Variants in PTPA observed in about 807,000 individuals in gnomAD.
PTPA encodes serine/threonine-protein phosphatase 2A activator.
Under a neutral mutation model 43.6 loss-of-function variants are expected in PTPA, and 13 were observed. The observed-to-expected ratio is 0.30, with a 90% CI of 0.19 to 0.47. The LOEUF is 0.47. PTPA is among the 20% of genes least tolerant of loss of function. PTPA has a pLI of 0.99. For missense variants in PTPA, 329 were observed against 411.9 expected (o/e 0.80, Z 1.74); for synonymous variants, 172 against 158.2 (o/e 1.09, Z -0.66).
chr9:129,140,415 G>A (rs1850705019), intron 8 of PTPA, among the ~76,000 whole-genome samples: 1 of 152,200 alleles, frequency 6.6e-6, no homozygotes, highest in African/African-American at 2.4e-5. Flanking sequence ...GGGGCAGCCT[G>A]CAGCCCCTCC....
At chr9:129,133,447 G>GA (rs1850123387) in intron 5 of PTPA, among the ~76,000 whole-genome samples, 1 of 152,196 alleles carries the variant, frequency 6.6e-6, no homozygotes, top group Non-Finnish European at 1.5e-5. Context: ...GCAGGGGAAG[G>GA]AAACTGAGCT....
intron 8 of PTPA, 91 bp from the exon 9 acceptor site, chr9:129,142,354 G>GTA: frequency 3.5e-6 from 4 of 1,155,778 alleles, no homozygotes; most frequent in Non-Finnish European, 5.0e-6. Flanking sequence ...GTGTGTGTGT[G>GTA]TGCATGCATG....
At chr9:129,140,697 A>C (rs1259857920) in intron 8 of PTPA, among the ~76,000 whole-genome samples, 1 of 152,040 alleles carries the variant, frequency 6.6e-6, no homozygotes, top group Admixed American at 6.6e-5. Context: ...GGCCCTGTCC[A>C]GAGAGTGAAA....
In PTPA at chr9:129,129,053, C is replaced by T. The variant is rs765571419; in HGVS notation, c.285C>T (p.Asp95=). 1 of 1,612,800 alleles carries T rather than the reference C, an allele frequency of 6.2e-7. No individual in the cohort carries two copies. The highest frequency in any genetic ancestry group is 1.1e-5 in the South Asian group (1 of 91,000). Residue 95 remains aspartate, a synonymous_variant, in exon 4 of 10, where the codon GAC becomes GAT. Transcript: ENST00000393370. ...GGATTGATGAGACTCCTCCAGTGGACCAGCCCTCTCGGTTTGGGAATAAGG... is the reference window on the plus strand; with the variant it reads ...GGATTGATGAGACTCCTCCAGTGGATCAGCCCTCTCGGTTTGGGAATAAGG... ...DRWIDETPPV[D]QPSRFGNKAY...
intron 8 of PTPA, chr9:129,139,713 T>C (rs1487603728): frequency 3.9e-5 from 6 of 152,186 alleles, no homozygotes; most frequent in Non-Finnish European, 7.4e-5. Context: ...TACGCCTTGC[T>C]TGGGAAGGAG....
intron 9 of PTPA, among the ~76,000 whole-genome samples, chr9:129,147,033 T>C (rs1393244529): frequency 6.6e-6 from 1 of 152,134 alleles, no homozygotes; most frequent in Non-Finnish European, 1.5e-5. Flanking sequence ...ACGTCTCTTC[T>C]CTAGAACTGG....
At chr9:129,137,020 G>A (rs7036236) in intron 7 of PTPA, among the ~76,000 whole-genome samples, 90,330 of 152,136 alleles carry the variant, frequency 0.59, 28,777 homozygotes, top group Non-Finnish European at 0.7. Context: ...GGGAGCAGCC[G>A]CCAAGTGCTG....
intron 9 of PTPA, among the ~76,000 whole-genome samples, chr9:129,146,063 G>A (rs1851278795): frequency 6.6e-6 from 1 of 151,588 alleles, no homozygotes; most frequent in South Asian, 2.1e-4. Flanking sequence ...GGGAGCTAGA[G>A]GGAGGTTGAC....
At chr9:129,133,854 A>G (rs138958329) in intron 5 of PTPA, among the ~76,000 whole-genome samples, 2 of 152,318 alleles carry the variant, frequency 1.3e-5, no homozygotes, top group Non-Finnish European at 2.9e-5. Flanking sequence ...AAACAGATCA[A>G]ACTTTTTCTT....
chr9:129,139,785 A>T (rs1850635079), intron 8 of PTPA: 1 of 151,910 alleles, frequency 6.6e-6, no homozygotes, highest in African/African-American at 2.4e-5. Context: ...GAGATTAACT[A>T]AAACACCGAG....
chr9:129,137,910 G>GA, intron 8 of PTPA: 1 of 566,630 alleles, frequency 1.8e-6, no homozygotes, highest in South Asian at 1.9e-5. Context: ...AGTTTCTCCT[G>GA]AACACCACAG....
At chr9:129,116,052 G>A (rs1229328837) in intron 1 of PTPA, among the ~76,000 whole-genome samples, 3 of 150,538 alleles carry the variant, frequency 2.0e-5, no homozygotes, top group Admixed American at 6.6e-5. Context: ...GACGAGTCTC[G>A]CTCTGTCGCC....
intron 5 of PTPA, among the ~76,000 whole-genome samples, chr9:129,133,081 A>C (rs1850092315): frequency 6.6e-6 from 1 of 151,964 alleles, no homozygotes; most frequent in Admixed American, 6.6e-5. Flanking sequence ...CCATGCTGAG[A>C]CCCCATCTCT....
At chr9:129,145,036 G>GA (rs899022416) in intron 9 of PTPA, among the ~76,000 whole-genome samples, 7 of 143,818 alleles carry the variant, frequency 4.9e-5, no homozygotes, top group African/African-American at 1.6e-4. Context: ...CCGTCTCAAA[G>GA]AAAAAAATCA....
chr9:129,138,321 C>T lies in PTPA; in HGVS notation c.786+629C>T, dbSNP rs17508916. Among the ~76,000 whole-genome samples, 776 of 152,258 alleles carry T rather than the reference C, an allele frequency of 5.1e-3. 5 individuals are homozygous for T. Among genetic ancestry groups the T allele is most frequent in the African/African-American group, 0.017 (721 of 41,550 alleles). On this transcript the variant is annotated intron_variant, in intron 8 of 9. Transcript: ENST00000393370. Reference sequence around the variant, plus strand: ...TGCAGTGGGCCCTGGACCACTTGTGCGAGATCTCCTAGTGTGTTTGTTAAA... The same window carrying T: ...TGCAGTGGGCCCTGGACCACTTGTGTGAGATCTCCTAGTGTGTTTGTTAAA...
At chr9:129,143,959 A>G (rs898069578) in intron 9 of PTPA, among the ~76,000 whole-genome samples, 14 of 151,414 alleles carry the variant, frequency 9.2e-5, no homozygotes, top group African/African-American at 3.2e-4. Flanking sequence ...ATCGCCCACC[A>G]GCCACCTCCC....
intron 8 of PTPA, chr9:129,142,225 A>G (rs1850911458): frequency 2.2e-6 from 1 of 451,938 alleles, no homozygotes; most frequent in Non-Finnish European, 3.9e-6. Context: ...CTTGAGGGCC[A>G]AAGGGGAACC....
chr9:129,145,022 G>C (rs1851202515), intron 9 of PTPA, among the ~76,000 whole-genome samples: 1 of 142,730 alleles, frequency 7.0e-6, no homozygotes, highest in Admixed American at 6.9e-5. Context: ...AACAGTGTGA[G>C]ACTCCGTCTC....
intron 7 of PTPA, 59 bp from the exon 8 acceptor site, chr9:129,137,533 G>C (rs1014471527): frequency 5.7e-6 from 8 of 1,406,508 alleles, no homozygotes; most frequent in Non-Finnish European, 7.9e-6. Flanking sequence ...TGCTGGGCCG[G>C]GTTGCCCAGG....
Sources: gnomAD v4.1 joint callset for allele counts (sites outside exome capture counted in the v4.1 genomes callset) on GRCh38, gnomAD v4.1.1 for gene constraint, MANE v1.5 for transcripts, NCBI Gene and HGNC (gene_info 2026-07-23, HGNC 2026-07-21) for gene names.